Variants in COL5A1 observed in about 807,000 individuals in gnomAD.
COL5A1 encodes collagen type V alpha 1 chain, also known as collagen alpha-1(V) chain.
A neutral mutation model predicts 263.7 loss-of-function variants in COL5A1; 16 were observed. The observed-to-expected ratio is 0.06, with a 90% confidence interval of 0.04 to 0.09. The LOEUF (loss-of-function observed/expected upper bound fraction) is 0.09, where lower values mean the gene tolerates loss of function less well. COL5A1 is among the 10% of genes least tolerant of loss of function. COL5A1 has a pLI of 1.00. For synonymous variants in COL5A1, 1,012 were observed against 1,004.5 expected, an observed-to-expected ratio of 1.01 and a Z score of -0.14; for missense variants, 2,036 against 2,540.5, an observed-to-expected ratio of 0.80 and a Z score of 4.27.
chr9:134,805,588 A>T (rs566011428), intron 41 of COL5A1, among the ~76,000 whole-genome samples: 1 of 152,156 alleles, frequency 6.6e-6, no homozygotes, highest in African/African-American at 2.4e-5. Flanking sequence ...GACTCTGAAG[A>T]TGCACGCTAA....
chr9:134,763,716 C>G lies in COL5A1; in HGVS notation c.2013C>G (p.Pro671=). 6.2e-7 allele frequency: 1 copy of G among 1,613,704 alleles called. No individual in the cohort carries two copies. Among genetic ancestry groups the G allele is most frequent in the Non-Finnish European group, 8.5e-7 (1 of 1,179,830 alleles). The change falls in exon 20 of 66, where the codon CCC becomes CCG. Residue 671 remains proline (P), a synonymous_variant. Transcript: ENST00000371817. ...GERGDDGEVG[P]RGLPGEPGPR... ...AGGGTGACGACGGAGAAGTTGGGCCCAGGGGGCTGCCTGGGGAGCCCGTAA... is the reference window on the plus strand; with the variant it reads ...AGGGTGACGACGGAGAAGTTGGGCCGAGGGGGCTGCCTGGGGAGCCCGTAA...
At chr9:134,773,943 G>A (rs535998617) in intron 26 of COL5A1, among the ~76,000 whole-genome samples, 16 of 152,324 alleles carry the variant, frequency 1.1e-4, no homozygotes, top group African/African-American at 3.6e-4. Context: ...GCTGCCTCCA[G>A]TGGGGAGTTT....
At chr9:134,793,779 T>C (rs957071496) in intron 32 of COL5A1, among the ~76,000 whole-genome samples, 1 of 152,372 alleles carries the variant, frequency 6.6e-6, no homozygotes, top group Admixed American at 6.5e-5. Context: ...AGATGTTTCG[T>C]TAATTTTCAT....
intron 27 of COL5A1, 40 bp downstream of exon 27, chr9:134,774,952 C>G (rs1314923345): frequency 1.3e-6 from 2 of 1,589,662 alleles, no homozygotes; most frequent in African/African-American, 2.7e-5. Flanking sequence ...TCCTGGAGGT[C>G]AGGGTTGGGA....
At chr9:134,707,584 A>T (rs1833882236) in intron 4 of COL5A1, among the ~76,000 whole-genome samples, 1 of 134,088 alleles carries the variant, frequency 7.5e-6, no homozygotes, top group Non-Finnish European at 1.6e-5. Context: ...TGTGAGTGGG[A>T]ACGTCCCCCA....
chr9:134,704,024 C>G (rs1345451079), intron 4 of COL5A1, among the ~76,000 whole-genome samples: 4 of 152,068 alleles, frequency 2.6e-5, no homozygotes, highest in Non-Finnish European at 5.9e-5. Flanking sequence ...TGTAAAGATT[C>G]AGGAAAAAGC....
intron 31 of COL5A1, among the ~76,000 whole-genome samples, chr9:134,788,137 G>T (rs1447576008): frequency 6.8e-6 from 1 of 146,844 alleles, no homozygotes; most frequent in Non-Finnish European, 1.5e-5. Context: ...TACATAGATG[G>T]ATGGATGAGT....
At chr9:134,828,873 TCACACAC>T (rs1225078468) in intron 63 of COL5A1, among the ~76,000 whole-genome samples, 1 of 148,848 alleles carries the variant, frequency 6.7e-6, no homozygotes, top group Non-Finnish European at 1.5e-5. Flanking sequence ...ACACCACACA[TCACACAC>T]AGACCACACA....
chr9:134,695,254 C>G (rs1356344390), intron 2 of COL5A1, among the ~76,000 whole-genome samples: 4 of 152,216 alleles, frequency 2.6e-5, no homozygotes, highest in Non-Finnish European at 5.9e-5. Context: ...CCCACACCCC[C>G]CTGCCCCTTG....
intron 1 of COL5A1, among the ~76,000 whole-genome samples, chr9:134,689,713 G>A (rs934681058): frequency 2.0e-5 from 3 of 152,296 alleles, no homozygotes; most frequent in East Asian, 1.9e-4. Flanking sequence ...TGAGCTGACC[G>A]TCTGGGACAG....
intron 65 of COL5A1, among the ~76,000 whole-genome samples, chr9:134,839,269 TG>T (rs1447877786): frequency 6.6e-6 from 1 of 152,180 alleles, no homozygotes; most frequent in African/African-American, 2.4e-5. Flanking sequence ...TCGGCGCCTC[TG>T]GGGGGCCGTT....
At chr9:134,831,204 C>T (rs1457698709) in intron 64 of COL5A1, among the ~76,000 whole-genome samples, 1 of 152,238 alleles carries the variant, frequency 6.6e-6, no homozygotes, top group Non-Finnish European at 1.5e-5. Flanking sequence ...TTTGCCCTGT[C>T]TGCACCTCTG....
At position 134,802,938 on chromosome 9, in the gene COL5A1, C is replaced by T. The variant is rs1334367091; in HGVS notation, c.3057C>T (p.Pro1019=). 1 of 1,611,390 alleles carries T rather than the reference C, an allele frequency of 6.2e-7. No homozygotes were observed. ...TGGGTGAGCGTGGCCACCCTGGGCCCCCTGGACCCCCCGGTGAACAGGGGC... is the reference window on the plus strand; with the variant it reads ...TGGGTGAGCGTGGCCACCCTGGGCCTCCTGGACCCCCCGGTGAACAGGGGC... The part of the protein sequence containing the change: ...GPMGERGHPG[P]PGPPGEQGLP... Residue 1019 remains proline (P), a synonymous_variant, in exon 39 of 66, where the codon CCC becomes CCT. Transcript: ENST00000371817.
Position 134,731,556 on chromosome 9 carries a change from A to T in COL5A1, c.1225A>T (p.Ile409Phe), listed in dbSNP as rs780747671. Residue 409 changes from isoleucine (I) to phenylalanine (F), a missense_variant, in exon 8 of 66, where the codon ATC (isoleucine) becomes TTC (phenylalanine). Ile to Phe is a conservative substitution (Grantham distance 21). Around this residue, in one of 3 missense-constraint regions of COL5A1, gnomAD observed 600 missense variants for 634.5 expected, o/e 0.95. Coordinates refer to ENST00000371817, the MANE Select transcript of COL5A1 (RefSeq NM_000093.5). ...DLEGEFTEET[I>F]RNLDENYYDP... ...GGAGGGGGAGTTCACTGAGGAAACG[A>T]TCCGGAACCTTGACGAGAACTACTA... 1 of 1,614,180 alleles carries T rather than the reference A, an allele frequency of 6.2e-7. No homozygotes were observed. The highest frequency in any genetic ancestry group is 1.6e-4 in the Middle Eastern group (1 of 6,062).
At chr9:134,753,024 C>T (rs1835843204) in intron 14 of COL5A1, among the ~76,000 whole-genome samples, 1 of 152,122 alleles carries the variant, frequency 6.6e-6, no homozygotes, top group Admixed American at 6.5e-5. Flanking sequence ...CTGCAGAGAA[C>T]ACGCTATGAG....
intron 4 of COL5A1, among the ~76,000 whole-genome samples, chr9:134,712,121 C>CT (rs1235598123): frequency 8.7e-6 from 1 of 115,112 alleles, no homozygotes; most frequent in Admixed American, 8.8e-5. Context: ...TTCCTTCCCC[C>CT]TCCTTCCTGT....
rs185588172 is a variant in COL5A1, at chr9:134,738,703, C to T, written c.1432-43C>T. 359 of 1,552,316 alleles carry T rather than the reference C, an allele frequency of 2.3e-4. 5 individuals are homozygous for T. The East Asian group carries it at 7.2e-3, about 31-fold the overall frequency. On this transcript the variant is annotated intron_variant, in intron 10 of 65. Coordinates refer to ENST00000371817, the MANE Select transcript of COL5A1 (RefSeq NM_000093.5). ...CAGTTGGAACTTGGACCTTGCCCTGCGGCCCCATCTTCTAACTGCCCCAAC... is the reference window on the plus strand; with the variant it reads ...CAGTTGGAACTTGGACCTTGCCCTGTGGCCCCATCTTCTAACTGCCCCAAC...
chr9:134,793,386 G>GC (rs201551286), intron 32 of COL5A1, among the ~76,000 whole-genome samples: 14 of 151,876 alleles, frequency 9.2e-5, no homozygotes, highest in South Asian at 4.2e-4. Context: ...AAGGAGGCTG[G>GC]GGGGGGCATT....
chr9:134,753,703 C>T (rs555255480), intron 14 of COL5A1, 147 bp from the exon 15 acceptor site: 55 of 675,754 alleles, frequency 8.1e-5, no homozygotes, highest in African/African-American at 2.1e-4. Context: ...CGGTTCTGTT[C>T]GAGGCAGACA....
Sources: gnomAD v4.1 joint callset for allele counts (sites outside exome capture counted in the v4.1 genomes callset) on GRCh38, gnomAD v4.1.1 for gene constraint, gnomAD v4.1.1 regional missense constraint, MANE v1.5 for transcripts, NCBI Gene and HGNC (gene_info 2026-07-23, HGNC 2026-07-21) for gene names.